PSPC1: variants seen among roughly 807,000 people sequenced by gnomAD.
The protein encoded by PSPC1 is paraspeckle protein 1.
In PSPC1, 14 loss-of-function variants were observed where a neutral mutation model predicts 51.6. The ratio of observed to expected loss-of-function variants is 0.27; its 90% CI spans 0.18 to 0.42. The LOEUF (loss-of-function observed/expected upper bound fraction) is 0.42, where lower values mean the gene tolerates loss of function less well. Ranked by LOEUF, PSPC1 falls within the 10% of genes least tolerant of loss-of-function variation. The pLI is 1.00. For missense variants in PSPC1, 406 were observed against 701.1 expected, an observed-to-expected ratio of 0.58 and a Z score of 4.75; for synonymous variants, 193 against 231.9, an observed-to-expected ratio of 0.83 and a Z score of 1.53.
chr13:19,779,976 G>T (rs1296515264), intron 1 of PSPC1, among the ~76,000 whole-genome samples: 2 of 130,560 alleles, frequency 1.5e-5, no homozygotes, highest in East Asian at 2.5e-4. Context: ...TCGGCCCCCC[G>T]CCCGGCCAGC....
intron 5 of PSPC1, among the ~76,000 whole-genome samples, chr13:19,736,090 G>C (rs1287160436): frequency 6.6e-6 from 1 of 151,976 alleles, no homozygotes. Flanking sequence ...AAAGTGCTGG[G>C]ATTACAGGCA....
intron 2 of PSPC1, among the ~76,000 whole-genome samples, chr13:19,767,180 A>T (rs149460993): frequency 4.9e-4 from 74 of 152,098 alleles, no homozygotes; most frequent in African/African-American, 1.6e-3. Flanking sequence ...ATTAAAAAAT[A>T]AAAATAAAAT....
intron 1 of PSPC1, among the ~76,000 whole-genome samples, chr13:19,775,700 C>T (rs1489476776): frequency 1.3e-5 from 2 of 152,154 alleles, no homozygotes; most frequent in South Asian, 2.1e-4. Flanking sequence ...ACTTTCTTAC[C>T]TAATACATCA....
At chr13:19,727,695 G>A (rs1883522563) in intron 6 of PSPC1, among the ~76,000 whole-genome samples, 1 of 152,218 alleles carries the variant, frequency 6.6e-6, no homozygotes, top group African/African-American at 2.4e-5. Flanking sequence ...TTAATCTACA[G>A]TTGGTGGAGT....
chr13:19,696,878 T>A (rs1376870510), intron 6 of PSPC1, among the ~76,000 whole-genome samples: 1 of 152,230 alleles, frequency 6.6e-6, no homozygotes, highest in Admixed American at 6.5e-5. Flanking sequence ...CCACATACCC[T>A]CTTCATTTGA....
rs767845246 is a variant in PSPC1 at position 19,741,598 on chromosome 13, T to G, written c.1019A>C (p.Gln340Pro). The G allele has an allele frequency of 1.2e-6, 2 of 1,605,858 alleles. No homozygotes were observed. The highest frequency in any genetic ancestry group is 3.4e-5 in the Admixed American group (2 of 59,390). Residue 340 changes from glutamine (Q) to proline (P), a missense_variant, in exon 5 of 9, where the codon CAA becomes CCA. Gln to Pro is a moderately conservative substitution (Grantham distance 76). Transcript: ENST00000338910. ...TATTTGCTTCCGTTTTTGCAACTCT[T>G]GGTTTCTGAGTTCTTCCAAGCGTCT... Reference protein sequence around the residue: ...ELRRLEELRNQELQKRKQIQL... With the variant: ...ELRRLEELRNPELQKRKQIQL...
At chr13:19,710,496 G>T (rs2137777391) in intron 6 of PSPC1, among the ~76,000 whole-genome samples, 1 of 152,222 alleles carries the variant, frequency 6.6e-6, no homozygotes, top group Admixed American at 6.5e-5. Context: ...TGAGACAAAT[G>T]CAGCAATGTT....
At chr13:19,701,714 AAC>A (rs370214112), downstream of PSPC1, among the ~76,000 whole-genome samples, 75 of 152,324 alleles carry the variant, frequency 4.9e-4, 1 homozygote, top group African/African-American at 9.9e-4. Context: ...CTTCCAGCAA[AAC>A]AGACACCACT....
chr13:19,734,421 T>G (rs1248254230), intron 5 of PSPC1, among the ~76,000 whole-genome samples: 1 of 152,250 alleles, frequency 6.6e-6, no homozygotes, highest in East Asian at 1.9e-4. Context: ...ACCTCCTTGC[T>G]GTTATTGTTC....
chr13:19,736,424 C>T (rs936493436), intron 5 of PSPC1, among the ~76,000 whole-genome samples: 3 of 152,046 alleles, frequency 2.0e-5, no homozygotes, highest in African/African-American at 7.2e-5. Flanking sequence ...TGGCTCAAGC[C>T]TGTAATCCCA....
intron 6 of PSPC1, among the ~76,000 whole-genome samples, chr13:19,684,835 A>G (rs1262178815): frequency 1.3e-5 from 2 of 152,210 alleles, no homozygotes; most frequent in Admixed American, 6.5e-5. Flanking sequence ...GGGGAACACT[A>G]CTTCTGAATT....
intron 4 of PSPC1, among the ~76,000 whole-genome samples, chr13:19,744,915 TC>T (rs371110282): frequency 6.3e-4 from 96 of 152,332 alleles, no homozygotes; most frequent in South Asian, 2.1e-3. Flanking sequence ...CAGGAATTTT[TC>T]TTAATAAAAT....
At chr13:19,751,795 T>C (rs1219597296) in intron 3 of PSPC1, among the ~76,000 whole-genome samples, 4 of 152,168 alleles carry the variant, frequency 2.6e-5, no homozygotes, top group African/African-American at 7.2e-5. Context: ...CAGTGGCTCA[T>C]GCCTGTAATC....
At chr13:19,709,466 T>A in intron 7 of PSPC1, 76 bp downstream of exon 7, 5 of 1,164,156 alleles carry the variant, frequency 4.3e-6, no homozygotes, top group Non-Finnish European at 5.0e-6. Flanking sequence ...CTTACTGATA[T>A]GTAGATACCA....
intron 1 of PSPC1, among the ~76,000 whole-genome samples, chr13:19,777,426 G>A (rs1889273731): frequency 1.1e-5 from 1 of 92,222 alleles, no homozygotes. Context: ...CAAGACCTCA[G>A]CTCAAAAAAA....
At chr13:19,672,440 A>G (rs1414955513), downstream of PSPC1, 2 of 151,866 alleles carry the variant, frequency 1.3e-5, no homozygotes, top group Non-Finnish European at 2.9e-5. Context: ...CACCGCACCC[A>G]GCAAGAGTTA....
intron 7 of PSPC1, among the ~76,000 whole-genome samples, chr13:19,708,779 C>T (rs1029807970): frequency 6.6e-6 from 1 of 152,144 alleles, no homozygotes; most frequent in Non-Finnish European, 1.5e-5. Flanking sequence ...ACACAAAAAG[C>T]TAGTTTAAGA....
chr13:19,734,927 G>A (rs571679624), intron 5 of PSPC1, among the ~76,000 whole-genome samples: 7 of 149,826 alleles, frequency 4.7e-5, no homozygotes, highest in Admixed American at 3.3e-4. Flanking sequence ...GCCGTGAGCC[G>A]AGATCACACC....
intron 6 of PSPC1, among the ~76,000 whole-genome samples, chr13:19,709,802 T>C (rs6490481): frequency 0.92 from 138,626 of 150,760 alleles, 64,675 homozygotes; most frequent in Non-Finnish European, 1. Flanking sequence ...GCTTAATGCA[T>C]CCAGTTTATA....
Sources: allele counts gnomAD v4.1 joint callset (sites outside exome capture counted in the v4.1 genomes callset), GRCh38; gene constraint gnomAD v4.1.1; transcripts MANE v1.5; gene names NCBI Gene and HGNC (gene_info 2026-07-23, HGNC 2026-07-21).